The following SGSM2 variants were observed in gnomAD, a reference collection of about 807,000 sequenced individuals.
SGSM2 encodes small G protein signaling modulator 2.
A neutral mutation model predicts 126.6 loss-of-function variants in SGSM2; 89 were observed. That is an observed-to-expected ratio of 0.70 (90% CI 0.59 to 0.84). The LOEUF (loss-of-function observed/expected upper bound fraction) is 0.84. Ranked by LOEUF, SGSM2 falls within the 40% of genes least tolerant of loss-of-function variation. The pLI is 0.00. For missense variants in SGSM2, 1,404 were observed against 1,416.6 expected (o/e 0.99, Z 0.14); for synonymous variants, 614 against 574.3 (o/e 1.07, Z -0.99).
intron 12 of SGSM2, among the ~76,000 whole-genome samples, chr17:2,369,728 C>T (rs1037308900): frequency 6.6e-5 from 10 of 151,844 alleles, no homozygotes; most frequent in African/African-American, 2.4e-4. Flanking sequence ...CTGTTGCCTG[C>T]TGCCTGCCTG....
chr17:2,377,813 T>G, intron 21 of SGSM2, 44 bp from the exon 22 acceptor site: 1 of 1,326,116 alleles, frequency 7.5e-7, no homozygotes, highest in Non-Finnish European at 1.1e-6. Flanking sequence ...AGAGGCAGCA[T>G]CGGCTCAGGG....
chr17:2,372,439 C>T lies in SGSM2; in HGVS notation c.1739C>T (p.Ser580Phe). ...VIPPDRPPGA[S>F]AGLTKDVWSK... ...CCACCTGACCGGCCCCCGGGGGCCT[C>T]CGCGGGCCTCACCAAGGACGTGTGG... Residue 580 changes from serine (S) to phenylalanine (F), a missense_variant, in exon 15 of 24, where the codon TCC becomes TTC. Ser to Phe is a radical substitution (Grantham distance 155, BLOSUM62 -2). Transcript: ENST00000268989. This position sits in a 1 kb window ranked among gnomAD's most constrained non-coding sequence, Gnocchi z 6.0. The T allele has an allele frequency of 1.2e-6, 2 of 1,600,576 alleles. No homozygotes were observed. Among genetic ancestry groups the T allele is most frequent in the African/African-American group, 1.3e-5 (1 of 74,506 alleles).
rs1193586159 is a variant in SGSM2 at position 2,379,018 on chromosome 17, G to A, written c.2900-18G>A. The A allele has an allele frequency of 6.2e-7, 1 of 1,609,176 alleles. No individual in the cohort carries two copies. Among genetic ancestry groups the A allele is most frequent in the South Asian group, 1.1e-5 (1 of 90,720 alleles). On this transcript the variant is annotated intron_variant, in intron 22 of 23. Transcript: ENST00000268989. ...ATGCGGCTAGGACGGGTGAGCAGCAGCCGCTTACTCTCCGCAGAACTGCTG... is the reference window on the plus strand; with the variant it reads ...ATGCGGCTAGGACGGGTGAGCAGCAACCGCTTACTCTCCGCAGAACTGCTG...
chr17:2,348,153 C>A (rs896659567), intron 2 of SGSM2, among the ~76,000 whole-genome samples: 1 of 152,186 alleles, frequency 6.6e-6, no homozygotes, highest in Non-Finnish European at 1.5e-5. Context: ...GCAGTGAGCT[C>A]CTTCAGGGAA....
Position 2,364,595 on chromosome 17 carries a change from G to A in SGSM2, c.933-1G>A. The A allele has an allele frequency of 1.9e-6, 3 of 1,614,192 alleles. No homozygotes were observed. Among genetic ancestry groups the A allele is most frequent in the Non-Finnish European group, 2.5e-6 (3 of 1,180,004 alleles). On this transcript the variant is annotated splice_acceptor_variant, in intron 8 of 23. Coordinates refer to ENST00000268989, the MANE Select transcript of SGSM2 (RefSeq NM_014853.3). LOFTEE classifies it high-confidence loss of function. ...GTGACAGCAGTCTGGTTCCTTTCTA[G>A]CGTTTACTGGGACTATGCCCTCGTG...
intron 11 of SGSM2, chr17:2,366,566 T>G (rs2065597501): frequency 6.6e-6 from 1 of 152,296 alleles, no homozygotes; most frequent in African/African-American, 2.4e-5. Context: ...CCTTCCCAGA[T>G]GTACCTGACA....
rs2064467875 is a variant in SGSM2 at position 2,343,582 on chromosome 17, T to C, written c.95T>C (p.Phe32Ser). The C allele has an allele frequency of 6.2e-7, 1 of 1,614,044 alleles. No individual in the cohort carries two copies. Among genetic ancestry groups the C allele is most frequent in the Admixed American group, 1.7e-5 (1 of 60,004 alleles). ...ATGGAGGAGGCTGTCACCAGGAAGT[T>C]TGTGCATGAAGACAGCAGCCACATC... ...QIMEEAVTRK[F>S]VHEDSSHIIA... The change falls in exon 2 of 24, where the codon TTT (phenylalanine) becomes TCT (serine). Residue 32 changes from phenylalanine to serine, a missense_variant. Coordinates refer to ENST00000268989, the MANE Select transcript of SGSM2 (RefSeq NM_014853.3).
chr17:2,365,318 A>C lies in SGSM2; in HGVS notation c.1265A>C (p.Tyr422Ser), dbSNP rs1597364213. Residue 422 changes from tyrosine to serine, a missense_variant, in exon 11 of 24, where the codon TAC becomes TCC. Tyr to Ser is a moderately radical substitution (Grantham distance 144). Coordinates refer to ENST00000268989, the MANE Select transcript of SGSM2 (RefSeq NM_014853.3). Reference protein sequence around the residue: ...RATDYVFRIIYPGHRHEHITI... With the variant: ...RATDYVFRIISPGHRHEHITI... ...ACCGACTATGTGTTCCGGATCATCT[A>C]CCCCGGCCACAGGCACGAGCACAGT... The C allele has an allele frequency of 6.4e-7, 1 of 1,569,676 alleles. No individual in the cohort carries two copies. Among genetic ancestry groups the C allele is most frequent in the East Asian group, 2.4e-5 (1 of 42,154 alleles).
chr17:2,373,553 G>T (rs756470923), intron 17 of SGSM2, 40 bp downstream of exon 17: 1 of 1,555,588 alleles, frequency 6.4e-7, no homozygotes, highest in Non-Finnish European at 8.7e-7. Context: ...GGTCTCGGGG[G>T]CCACCCGCGT....
intron 1 of SGSM2, among the ~76,000 whole-genome samples, chr17:2,340,118 CTTT>C (rs201303211): frequency 6.9e-6 from 1 of 145,530 alleles, no homozygotes; most frequent in Non-Finnish European, 1.5e-5. Flanking sequence ...ATGGGAAATA[CTTT>C]TTTTTTTTTT....
At chr17:2,351,473 C>A (rs905772185) in intron 2 of SGSM2, among the ~76,000 whole-genome samples, 24 of 152,146 alleles carry the variant, frequency 1.6e-4, no homozygotes, top group Admixed American at 1.3e-4. Context: ...GCTTCCTTAC[C>A]CAGCCAGCTG....
chr17:2,376,355 C>T (rs1338269291), intron 19 of SGSM2, 94 bp downstream of exon 19: 2 of 1,527,496 alleles, frequency 1.3e-6, no homozygotes, highest in South Asian at 2.4e-5. Flanking sequence ...GCTCCTCTCT[C>T]CTGCTCCTGA....
intron 2 of SGSM2, among the ~76,000 whole-genome samples, chr17:2,347,091 T>C (rs2064628990): frequency 6.6e-6 from 1 of 151,870 alleles, no homozygotes; most frequent in Non-Finnish European, 1.5e-5. Context: ...AGAGACCCTG[T>C]CTCGTTTGTT....
At position 2,354,215 on chromosome 17, in the gene SGSM2, T is replaced by TTTTGTTTGTTTTTTTTTG. The variant is rs11270127; in HGVS notation, c.134-7408_134-7407insTTTGTTTGTTTGTTTTTT. Among the ~76,000 whole-genome samples the TTTTGTTTGTTTTTTTTTG allele has an allele frequency of 2.0e-3, 304 of 151,684 alleles. 2 individuals are homozygous for TTTTGTTTGTTTTTTTTTG. The highest frequency in any genetic ancestry group is 8.7e-3 in the East Asian group (45 of 5,144). On this transcript the variant is annotated intron_variant, in intron 2 of 23. Transcript: ENST00000268989. ...AGCCACTGCACCTGACCTAGAGTTT[T>TTTTGTTTGTTTTTTTTTG]TTTGTTTGTTTTTTAGTAGAGACGG...
chr17:2,338,658 T>C (rs1034782086), intron 1 of SGSM2, among the ~76,000 whole-genome samples: 1 of 151,936 alleles, frequency 6.6e-6, no homozygotes, highest in African/African-American at 2.4e-5. Flanking sequence ...CCGTGACTGT[T>C]TGGTAAATAA....
In SGSM2 at chr17:2,375,881, T is replaced by A. The variant is rs1241628905; in HGVS notation, c.2484+6T>A. The stretch of plus-strand genomic sequence containing the variant: ...TGTGTGCGGCTGCCTACACTGTGCG[T>A]ACATGCTCCCCAGGCTGTTCCCAGC... On this transcript the variant is annotated splice_donor_region_variant and intron_variant, in intron 18 of 23. Transcript: ENST00000268989. The A allele has an allele frequency of 6.6e-7, 1 of 1,513,118 alleles. No individual in the cohort carries two copies. The highest frequency in any genetic ancestry group is 2.3e-5 in the East Asian group (1 of 44,212). The allele number at this position is 1,513,118 out of a possible 1,614,324, so 93.7% of individuals were successfully genotyped here.
intron 1 of SGSM2, among the ~76,000 whole-genome samples, chr17:2,341,790 T>C (rs1446556544): frequency 6.6e-6 from 1 of 152,208 alleles, no homozygotes; most frequent in Non-Finnish European, 1.5e-5. Flanking sequence ...TAACCAACTT[T>C]GGAGAACAAT....
At chr17:2,359,168 C>T (rs60064574) in intron 2 of SGSM2, among the ~76,000 whole-genome samples, 12,445 of 152,226 alleles carry the variant, frequency 0.082, 828 homozygotes, top group African/African-American at 0.18. Flanking sequence ...TGAGCCACGG[C>T]GCCCAGACCC....
intron 2 of SGSM2, among the ~76,000 whole-genome samples, chr17:2,359,478 G>A (rs1015671625): frequency 2.0e-5 from 3 of 152,182 alleles, no homozygotes; most frequent in Non-Finnish European, 4.4e-5. Context: ...CCCAGACACT[G>A]CCTGGCACCT....
Sources: gnomAD v4.1 joint callset for allele counts (sites outside exome capture counted in the v4.1 genomes callset) on GRCh38, gnomAD v4.1.1 for gene constraint, Gnocchi (gnomAD v3.1) non-coding constraint, MANE v1.5 for transcripts, NCBI Gene and HGNC (gene_info 2026-07-23, HGNC 2026-07-21) for gene names.